Variants in GRIP1 observed in about 807,000 individuals in gnomAD.
GRIP1 encodes glutamate receptor-interacting protein 1.
Under a neutral mutation model 129.9 loss-of-function variants are expected in GRIP1, and 45 were observed. That is an observed-to-expected ratio of 0.35 (90% CI 0.27 to 0.44). GRIP1 has a LOEUF of 0.44. Ranked by LOEUF, GRIP1 falls within the 20% of genes least tolerant of loss-of-function variation. The probability of loss-of-function intolerance (pLI) is 1.00; values close to 1 mark genes in which losing one functional copy is unlikely to be tolerated. For synonymous variants in GRIP1, 530 were observed against 520.8 expected, an observed-to-expected ratio of 1.02 and a Z score of -0.24; for missense variants, 1,196 against 1,396.8, an observed-to-expected ratio of 0.86 and a Z score of 2.29.
chr12:66,373,242 A>C (rs955911562), intron 22 of GRIP1, among the ~76,000 whole-genome samples: 1 of 152,152 alleles, frequency 6.6e-6, no homozygotes, highest in Admixed American at 6.5e-5. Context: ...GGCATGCGCC[A>C]CCATGCTTGG....
intron 9 of GRIP1, among the ~76,000 whole-genome samples, chr12:66,462,474 T>A (rs1565764825): frequency 6.6e-6 from 1 of 152,152 alleles, no homozygotes; most frequent in Non-Finnish European, 1.5e-5. Flanking sequence ...GAAAAAAATA[T>A]CAAATAGCAC....
At chr12:66,840,138 G>A (rs1218304333) in intron 1 of GRIP1, among the ~76,000 whole-genome samples, 1 of 151,946 alleles carries the variant, frequency 6.6e-6, no homozygotes, top group East Asian at 1.9e-4. Context: ...GCTACCTCAA[G>A]CACACAAGAT....
chr12:66,979,100 T>C (rs6581728), intron 1 of GRIP1, among the ~76,000 whole-genome samples: 152,024 of 152,024 alleles, frequency 1, 76,012 homozygotes, highest in Non-Finnish European at 1. Flanking sequence ...TGTGACCTTT[T>C]TGAAGAATTA....
chr12:67,069,205 C>T, upstream of GRIP1: 1 of 693,246 alleles, frequency 1.4e-6, no homozygotes, highest in Non-Finnish European at 1.8e-6. Context: ...CTAGGGCAGC[C>T]GCGCCGGGGC....
upstream of GRIP1, among the ~76,000 whole-genome samples, chr12:66,682,715 C>T (rs929014412): frequency 1.3e-5 from 2 of 152,100 alleles, no homozygotes; most frequent in Non-Finnish European, 2.9e-5. Context: ...AAAGAATCAT[C>T]ATAAACCAAA....
intron 1 of GRIP1, among the ~76,000 whole-genome samples, chr12:67,030,394 A>G (rs1422717881): frequency 6.6e-6 from 1 of 152,132 alleles, no homozygotes; most frequent in East Asian, 1.9e-4. Flanking sequence ...CATGCAGCAC[A>G]GATTGAGAAG....
chr12:66,588,831 T>C (rs1046966401), intron 2 of GRIP1, among the ~76,000 whole-genome samples: 2 of 149,108 alleles, frequency 1.3e-5, no homozygotes, highest in Non-Finnish European at 3.0e-5. Flanking sequence ...TAGCTGGGCA[T>C]GGTGGTGTAC....
chr12:66,783,188 A>G (rs1490197784), intron 1 of GRIP1, among the ~76,000 whole-genome samples: 1 of 151,944 alleles, frequency 6.6e-6, no homozygotes, highest in African/African-American at 2.4e-5. Context: ...GCATTACCAC[A>G]CTTGGCTACT....
intron 13 of GRIP1, among the ~76,000 whole-genome samples, chr12:66,434,541 A>C (rs774790598): frequency 3.9e-5 from 6 of 152,246 alleles, no homozygotes; most frequent in Non-Finnish European, 7.3e-5. Context: ...AGATTTGAAA[A>C]AGACTGGCTA....
chr12:66,955,336 TAA>T (rs1452318900), intron 1 of GRIP1, among the ~76,000 whole-genome samples: 1 of 152,098 alleles, frequency 6.6e-6, no homozygotes, highest in African/African-American at 2.4e-5. Flanking sequence ...ACCACTGATT[TAA>T]AAGAGATAAT....
In GRIP1 at chr12:66,428,829, A is replaced by C. The variant is rs139522010; in HGVS notation, c.1768+3719T>G. The stretch of plus-strand genomic sequence containing the variant: ...ACCTCAAGGGAAAACACCCATGTAA[A>C]AAGGACTTTACTGATAATGGGATGT... On this transcript the variant is annotated intron_variant, in intron 14 of 24. Coordinates refer to ENST00000359742, the MANE Select transcript of GRIP1 (RefSeq NM_001366722.1). Among the ~76,000 whole-genome samples, 1,387 of 152,314 alleles carry C rather than the reference A, an allele frequency of 9.1e-3. 23 individuals carry two copies. Among genetic ancestry groups the C allele is most frequent in the African/African-American group, 0.031 (1,290 of 41,566 alleles).
intron 9 of GRIP1, among the ~76,000 whole-genome samples, chr12:66,460,383 G>A (rs762858696): frequency 2.0e-5 from 3 of 152,096 alleles, no homozygotes; most frequent in Admixed American, 6.5e-5. Flanking sequence ...CAGGATGTTC[G>A]AGAGAGCAGA....
rs2034463683 is a variant in GRIP1, at chr12:66,678,922, T to C, written c.-18A>G. ...GCTATCATTCTTGCTCACTGCTTTCTGTGGCAAAGTGTACTCAAGGCTCTC... is the reference window on the plus strand; with the variant it reads ...GCTATCATTCTTGCTCACTGCTTTCCGTGGCAAAGTGTACTCAAGGCTCTC... On this transcript the variant is annotated 5_prime_UTR_variant, in exon 1 of 25. Transcript: ENST00000359742. The C allele has an allele frequency of 1.2e-6, 2 of 1,613,172 alleles. No homozygotes were observed. Among genetic ancestry groups the C allele is most frequent in the Non-Finnish European group, 8.5e-7 (1 of 1,179,502 alleles).
chr12:66,994,391 A>G (rs2042437275), intron 1 of GRIP1, among the ~76,000 whole-genome samples: 1 of 152,004 alleles, frequency 6.6e-6, no homozygotes, highest in Non-Finnish European at 1.5e-5. Flanking sequence ...ACCACATGAT[A>G]ATGTCAACAG....
intron 1 of GRIP1, among the ~76,000 whole-genome samples, chr12:66,854,439 A>AT: frequency 6.6e-6 from 1 of 152,024 alleles, no homozygotes; most frequent in African/African-American, 2.4e-5. Context: ...TTTTCAGTGT[A>AT]ATTTAGATAA....
At chr12:66,817,237 C>T (rs1226813635) in intron 1 of GRIP1, among the ~76,000 whole-genome samples, 1 of 143,784 alleles carries the variant, frequency 7.0e-6, no homozygotes, top group Admixed American at 6.9e-5. Context: ...CACACACACA[C>T]ACACACATAT....
chr12:66,430,707 A>T (rs557412585), intron 14 of GRIP1, among the ~76,000 whole-genome samples: 1 of 152,332 alleles, frequency 6.6e-6, no homozygotes, highest in East Asian at 1.9e-4. Flanking sequence ...TTTTATTTAT[A>T]TCAATCTGTA....
chr12:66,719,475 G>A (rs2035993082), intron 1 of GRIP1, among the ~76,000 whole-genome samples: 1 of 152,146 alleles, frequency 6.6e-6, no homozygotes, highest in African/African-American at 2.4e-5. Flanking sequence ...TGTATCACTT[G>A]ACTAATAGGA....
chr12:67,040,256 C>T (rs893037914), intron 1 of GRIP1, among the ~76,000 whole-genome samples: 1 of 147,048 alleles, frequency 6.8e-6, no homozygotes, highest in Non-Finnish European at 1.5e-5. Context: ...GCTCTGGCAT[C>T]GTGTGGGCAG....
Sources: allele counts gnomAD v4.1 joint callset (sites outside exome capture counted in the v4.1 genomes callset), GRCh38; gene constraint gnomAD v4.1.1; transcripts MANE v1.5; gene names NCBI Gene and HGNC (gene_info 2026-07-23, HGNC 2026-07-21).